The following COPS4 variants were observed in gnomAD, a reference collection of about 807,000 sequenced individuals.
COPS4 encodes COP9 signalosome subunit 4, also known as COP9 signalosome complex subunit 4.
COPS4 carries 8 observed loss-of-function variants against 55.1 expected under a neutral mutation model. That is an observed-to-expected ratio of 0.15 (90% confidence interval 0.09 to 0.26). The LOEUF (loss-of-function observed/expected upper bound fraction) is 0.26, where lower values mean the gene tolerates loss of function less well. Among genes scored for constraint, COPS4 ranks in the 10% least tolerant of loss-of-function variants. The pLI, the probability that COPS4 is intolerant of heterozygous loss-of-function variation, is 1.00. For synonymous variants in COPS4, 185 were observed against 165.7 expected (o/e 1.12, Z -0.90); for missense variants, 248 against 484.0 (o/e 0.51, Z 4.58).
intron 1 of COPS4, among the ~76,000 whole-genome samples, chr4:83,036,985 C>T (rs770944499): frequency 6.6e-6 from 1 of 152,126 alleles, no homozygotes; most frequent in Non-Finnish European, 1.5e-5. Context: ...TGCTTTGTAA[C>T]AAACCAAAAA....
At chr4:83,044,211 G>A (rs1291664348) in intron 1 of COPS4, among the ~76,000 whole-genome samples, 4 of 152,128 alleles carry the variant, frequency 2.6e-5, no homozygotes, top group African/African-American at 4.8e-5. Context: ...GTGGGAGCCC[G>A]AGGTGGGCGG....
rs151075651 is a variant in COPS4, at chr4:83,064,046, T to C, written c.886+800T>C. The stretch of plus-strand genomic sequence containing the variant: ...ATACTGCTGTACTACTTAAAAAATA[T>C]ATATTATGGCTGGGCATGGTGGCTC... On this transcript the variant is annotated intron_variant, in intron 7 of 9. Coordinates refer to ENST00000264389, the MANE Select transcript of COPS4 (RefSeq NM_016129.3). 3.3e-3 allele frequency among the ~76,000 whole-genome samples: 507 copies of C among 152,134 alleles called. 3 individuals carry two copies. The highest frequency in any genetic ancestry group is 0.012 in the African/African-American group (478 of 41,514).
chr4:83,058,616 T>C (rs1731074740), intron 6 of COPS4, among the ~76,000 whole-genome samples: 1 of 152,210 alleles, frequency 6.6e-6, no homozygotes, highest in African/African-American at 2.4e-5. Flanking sequence ...TCTAAAGAAC[T>C]TTTACTGGTT....
chr4:83,064,869 C>CTTTTTTTTTTTTTTTTTTTTTTT, intron 7 of COPS4, among the ~76,000 whole-genome samples: 1 of 73,594 alleles, frequency 1.4e-5, no homozygotes, highest in Non-Finnish European at 2.3e-5. Flanking sequence ...TAAGCAGTCC[C>CTTTTTTTTTTTTTTTTTTTTTTT]TTTTTTTTTT....
intron 4 of COPS4, among the ~76,000 whole-genome samples, chr4:83,056,091 C>T (rs10028177): frequency 0.44 from 66,769 of 151,746 alleles, 17,146 homozygotes; most frequent in Admixed American, 0.58. Context: ...CAACCATGCC[C>T]GGCTAATTTT....
chr4:83,047,146 C>T (rs781453043), intron 2 of COPS4, among the ~76,000 whole-genome samples: 2 of 152,132 alleles, frequency 1.3e-5, no homozygotes, highest in Admixed American at 6.5e-5. Flanking sequence ...TCATGGCCTC[C>T]GGTGTGAGAT....
At chr4:83,071,762 A>G (rs1332239310) in intron 9 of COPS4, among the ~76,000 whole-genome samples, 1 of 150,830 alleles carries the variant, frequency 6.6e-6, no homozygotes, top group African/African-American at 2.4e-5. Context: ...GCCAGACTGG[A>G]GTGCAGTGGC....
Position 83,057,040 on chromosome 4 carries a change from G to A in COPS4, c.525G>A (p.Gln175=), listed in dbSNP as rs142151991. 889 of 1,613,930 alleles carry A rather than the reference G, an allele frequency of 5.5e-4. 1 individual carries two copies. Among genetic ancestry groups the A allele is most frequent in the Non-Finnish European group, 7.2e-4 (844 of 1,179,830 alleles). ...ACATAAATCGAGCATCGTTGCTTCA[G>A]AATGAATCAACCAATGAACAATTAC... ...EAYINRASLL[Q]NESTNEQLQI... Residue 175 remains glutamine (Q), a synonymous_variant, in exon 5 of 10, where the codon CAG becomes CAA. Coordinates refer to ENST00000264389, the MANE Select transcript of COPS4 (RefSeq NM_016129.3).
intron 8 of COPS4, among the ~76,000 whole-genome samples, chr4:83,066,928 C>T (rs1731305506): frequency 6.6e-6 from 1 of 152,122 alleles, no homozygotes; most frequent in Non-Finnish European, 1.5e-5. Context: ...TTGCAGGTAT[C>T]ATTTACAAAA....
intron 6 of COPS4, among the ~76,000 whole-genome samples, chr4:83,057,728 C>G (rs1256084861): frequency 6.6e-6 from 1 of 151,850 alleles, no homozygotes; most frequent in East Asian, 1.9e-4. Flanking sequence ...CGAGACCATC[C>G]TGGCTAACAA....
chr4:83,057,608 A>G (rs1405087419), intron 6 of COPS4, among the ~76,000 whole-genome samples, 200 bp downstream of exon 6: 1 of 152,176 alleles, frequency 6.6e-6, no homozygotes, highest in Non-Finnish European at 1.5e-5. Context: ...ATATCAGCCT[A>G]TTATGCATAT....
intron 1 of COPS4, among the ~76,000 whole-genome samples, chr4:83,040,073 G>C (rs777628333): frequency 1.3e-5 from 2 of 152,136 alleles, no homozygotes; most frequent in Non-Finnish European, 2.9e-5. Flanking sequence ...TTCTGGATTA[G>C]TTCTTCAGGC....
chr4:83,047,844 C>CA (rs571364374), intron 2 of COPS4, among the ~76,000 whole-genome samples: 1,545 of 151,708 alleles, frequency 0.01, 40 homozygotes, highest in African/African-American at 0.035. Context: ...ACTAAAAATA[C>CA]AAAAAAATCA....
chr4:83,067,490 C>G, intron 8 of COPS4, among the ~76,000 whole-genome samples: 1 of 150,012 alleles, frequency 6.7e-6, no homozygotes, highest in East Asian at 1.9e-4. Context: ...TCCCAAAGTG[C>G]TGGGATTACA....
intron 7 of COPS4, among the ~76,000 whole-genome samples, chr4:83,063,866 C>G (rs867634931): frequency 2.4e-4 from 37 of 152,076 alleles, no homozygotes; most frequent in Non-Finnish European, 3.1e-4. Context: ...TGCGCCACCA[C>G]GCCCGGCTAA....
At chr4:83,067,033 T>C (rs1377245505) in intron 8 of COPS4, among the ~76,000 whole-genome samples, 1 of 152,176 alleles carries the variant, frequency 6.6e-6, no homozygotes, top group Non-Finnish European at 1.5e-5. Flanking sequence ...TCCCTTTTTC[T>C]CTGGCAGTGA....
chr4:83,053,264 C>T (rs746134029), intron 4 of COPS4, among the ~76,000 whole-genome samples: 5 of 152,028 alleles, frequency 3.3e-5, no homozygotes, highest in Non-Finnish European at 5.9e-5. Context: ...TACATGAGTA[C>T]GGGAAAGGAG....
Position 83,073,469 on chromosome 4 carries a change from T to C in COPS4, c.1088-1828T>C, listed in dbSNP as rs529077785. On this transcript the variant is annotated intron_variant, in intron 9 of 9. Transcript: ENST00000264389. ...TATCTTGGCCATTCTCAAACACCAATTTTTTTATGTTAACTTTAATAATTT... is the reference window on the plus strand; with the variant it reads ...TATCTTGGCCATTCTCAAACACCAACTTTTTTATGTTAACTTTAATAATTT... 1,906 of 401,768 alleles carry C rather than the reference T, an allele frequency of 4.7e-3. 7 individuals carry two copies. The highest frequency in any genetic ancestry group is 6.3e-3 in the Non-Finnish European group (1,437 of 226,914). 24.9% of individuals were successfully genotyped at this position (401,768 alleles called of 1,614,324 possible). A position where few individuals can be genotyped will look rare whatever the true frequency, so the allele number is the denominator to read the frequency against.
At chr4:83,056,051 C>T (rs1007816557) in intron 4 of COPS4, among the ~76,000 whole-genome samples, 7 of 151,946 alleles carry the variant, frequency 4.6e-5, no homozygotes, top group African/African-American at 1.7e-4. Context: ...GTCTCAGCCT[C>T]CCGAGTAGCT....
Sources: gnomAD v4.1 joint callset for allele counts (sites outside exome capture counted in the v4.1 genomes callset) on GRCh38, gnomAD v4.1.1 for gene constraint, MANE v1.5 for transcripts, NCBI Gene and HGNC (gene_info 2026-07-23, HGNC 2026-07-21) for gene names.